Variants in PPP1R13B observed in about 807,000 individuals in gnomAD.
PPP1R13B encodes apoptosis-stimulating of p53 protein 1.
In PPP1R13B, 44 loss-of-function variants were observed where a neutral mutation model predicts 119.8. The observed-to-expected ratio is 0.37, with a 90% CI of 0.29 to 0.47. The LOEUF is 0.47. PPP1R13B is among the 20% of genes least tolerant of loss of function. The pLI, the probability that PPP1R13B is intolerant of heterozygous loss-of-function variation, is 0.99. For missense variants in PPP1R13B, 1,227 were observed against 1,413.5 expected, an observed-to-expected ratio of 0.87 and a Z score of 2.12; for synonymous variants, 542 against 561.5, an observed-to-expected ratio of 0.97 and a Z score of 0.49.
intron 5 of PPP1R13B, among the ~76,000 whole-genome samples, chr14:103,756,381 C>T (rs1003925603): frequency 1.1e-4 from 17 of 152,296 alleles, no homozygotes; most frequent in Admixed American, 3.9e-4. Flanking sequence ...TAAGCCACCA[C>T]GCCCGGCCAG....
chr14:103,753,406 C>G (rs76985893), intron 6 of PPP1R13B, among the ~76,000 whole-genome samples: 103 of 152,264 alleles, frequency 6.8e-4, no homozygotes, highest in African/African-American at 2.4e-3. Flanking sequence ...CATTAATTCC[C>G]GACTATTCTT....
chr14:103,847,314 G>T lies in PPP1R13B; in HGVS notation c.-7C>A. 8.0e-7 allele frequency: 1 copy of T among 1,249,710 alleles called. No homozygotes were observed. The highest frequency in any genetic ancestry group is 1.0e-6 in the Non-Finnish European group (1 of 977,210). The allele number at this position is 1,249,710 out of a possible 1,614,324, so 77.4% of individuals were successfully genotyped here. On this transcript the variant is annotated 5_prime_UTR_variant, in exon 1 of 17. Transcript: ENST00000202556. The stretch of plus-strand genomic sequence containing the variant: ...CCTCACCCACCGGCATCATCGCGGG[G>T]AGAGTCCGCGACGCCCTCGGCCGCC...
At chr14:103,765,299 T>TA (rs940136367) in intron 4 of PPP1R13B, among the ~76,000 whole-genome samples, 1 of 152,206 alleles carries the variant, frequency 6.6e-6, no homozygotes, top group African/African-American at 2.4e-5. Flanking sequence ...TTATTTGGAA[T>TA]AAAAAATTCC....
chr14:103,739,047 C>T, intron 12 of PPP1R13B, 24 bp from the exon 13 acceptor site: 1 of 1,603,786 alleles, frequency 6.2e-7, no homozygotes, highest in South Asian at 1.1e-5. Context: ...AGCACGCTTT[C>T]CAGTTAAAGG....
In PPP1R13B at chr14:103,777,193, A is replaced by G. The variant is rs374162410; in HGVS notation, c.354+1552T>C. Among the ~76,000 whole-genome samples the G allele has an allele frequency of 3.9e-5, 6 of 152,102 alleles. No individual in the cohort carries two copies. The East Asian group carries it at 9.7e-4, about 25-fold the overall frequency. On this transcript the variant is annotated intron_variant, in intron 4 of 16. Transcript: ENST00000202556. ...TTTTTAGTAGAGATAGGGTTTCACC[A>G]TATTGGTCAGACTGGTCTCGAACTC...
At position 103,788,779 on chromosome 14, in the gene PPP1R13B, T is replaced by C. The variant is rs2085535444; in HGVS notation, c.158-3865A>G. 1.3e-5 allele frequency among the ~76,000 whole-genome samples: 2 copies of C among 152,308 alleles called. 1 individual carries two copies. The highest frequency in any genetic ancestry group is 6.8e-3 in the Middle Eastern group (2 of 294). On this transcript the variant is annotated intron_variant, in intron 2 of 16. Coordinates refer to ENST00000202556, the MANE Select transcript of PPP1R13B (RefSeq NM_015316.3). ...TAAGGGCTTCATGAGATATTGTAAC[T>C]GAAAAAAATTAGCATTTTTGAACTT... is the stretch of plus-strand genomic sequence containing the variant.
intron 1 of PPP1R13B, among the ~76,000 whole-genome samples, chr14:103,810,166 T>C (rs1429869476): frequency 6.6e-6 from 1 of 151,376 alleles, no homozygotes; most frequent in Non-Finnish European, 1.5e-5. Flanking sequence ...GCTCATGCCT[T>C]TAATCCCAGC....
chr14:103,781,347 T>C (rs1247831058), intron 3 of PPP1R13B, among the ~76,000 whole-genome samples: 1 of 152,144 alleles, frequency 6.6e-6, no homozygotes, highest in Non-Finnish European at 1.5e-5. Context: ...GGACGGACCC[T>C]GGTCTAAGGT....
chr14:103,770,621 C>A (rs1210887972), intron 4 of PPP1R13B, among the ~76,000 whole-genome samples: 1 of 152,106 alleles, frequency 6.6e-6, no homozygotes, highest in Non-Finnish European at 1.5e-5. Context: ...GGAAAATGGG[C>A]TATCAAAGTG....
intron 1 of PPP1R13B, among the ~76,000 whole-genome samples, chr14:103,811,286 G>T (rs542719248): frequency 6.1e-4 from 92 of 151,972 alleles, no homozygotes; most frequent in South Asian, 2.3e-3. Flanking sequence ...TAATGAACTA[G>T]AACAGAACAA....
At chr14:103,748,238 T>C (rs1192412125) in intron 8 of PPP1R13B, among the ~76,000 whole-genome samples, 1 of 152,250 alleles carries the variant, frequency 6.6e-6, no homozygotes. Flanking sequence ...CTCTTTGTTG[T>C]TAATCTTGAG....
At chr14:103,798,190 C>T (rs944076800) in intron 1 of PPP1R13B, among the ~76,000 whole-genome samples, 6 of 132,176 alleles carry the variant, frequency 4.5e-5, no homozygotes, top group South Asian at 4.6e-4. Flanking sequence ...CTTGCTCTGT[C>T]GCCCAGGCTG....
Position 103,753,135 on chromosome 14 carries a change from T to G in PPP1R13B, c.693A>C (p.Ala231=). ...FQEKKQEVQT[A]ILRVDQLSQQ... ...GACTAAGCTGATCAACCCTTAAAAT[T>G]GCAGTCTGTACTTCCTGCTTCTTTT... Residue 231 remains alanine, a synonymous_variant, in exon 7 of 17, where the codon GCA becomes GCC. Coordinates refer to ENST00000202556, the MANE Select transcript of PPP1R13B (RefSeq NM_015316.3). The G allele has an allele frequency of 6.2e-7, 1 of 1,613,750 alleles. No individual in the cohort carries two copies. The highest frequency in any genetic ancestry group is 1.1e-5 in the South Asian group (1 of 91,058).
At chr14:103,736,317 A>C in intron 15 of PPP1R13B, 115 bp from the exon 16 acceptor site, 1 of 1,121,734 alleles carries the variant, frequency 8.9e-7, no homozygotes. Context: ...AGCAGGCCCC[A>C]CAGAGGCCAG....
intron 6 of PPP1R13B, among the ~76,000 whole-genome samples, chr14:103,753,494 C>G (rs1001377817): frequency 6.6e-5 from 10 of 152,144 alleles, no homozygotes; most frequent in Admixed American, 2.0e-4. Flanking sequence ...GAAGGCAGGG[C>G]CATCCAAGCC....
At chr14:103,743,634 C>T (rs1004299604) in intron 9 of PPP1R13B, among the ~76,000 whole-genome samples, 3 of 152,226 alleles carry the variant, frequency 2.0e-5, no homozygotes, top group Non-Finnish European at 4.4e-5. Context: ...ATGGGACAGA[C>T]AGAAATCAGA....
At position 103,753,104 on chromosome 14, in the gene PPP1R13B, A is replaced by G. The variant is rs1021533030; in HGVS notation, c.724T>C (p.Leu242=). The G allele has an allele frequency of 1.9e-6, 3 of 1,614,018 alleles. No homozygotes were observed. The highest frequency in any genetic ancestry group is 2.7e-5 in the African/African-American group (2 of 75,046). ...ILRVDQLSQQ[L]EDLKKGKLNG... The stretch of plus-strand genomic sequence containing the variant: ...AGTTTTCCTTTCTTTAAATCTTCCA[A>G]TTGCTGACTAAGCTGATCAACCCTT... Residue 242 remains leucine, a synonymous_variant, in exon 7 of 17, where the codon TTG becomes CTG. Transcript: ENST00000202556.
intron 1 of PPP1R13B, among the ~76,000 whole-genome samples, chr14:103,799,004 T>TGTTA (rs1401613696): frequency 6.6e-6 from 1 of 150,844 alleles, no homozygotes; most frequent in African/African-American, 2.4e-5. Flanking sequence ...TTTGTTTGTT[T>TGTTA]GTTTGTTTTT....
At chr14:103,751,170 C>A (rs2084535830) in intron 7 of PPP1R13B, among the ~76,000 whole-genome samples, 1 of 152,116 alleles carries the variant, frequency 6.6e-6, no homozygotes, top group Admixed American at 6.6e-5. Context: ...ACAACAACAA[C>A]AAAAACAAAC....
Sources: allele counts gnomAD v4.1 joint callset (sites outside exome capture counted in the v4.1 genomes callset), GRCh38; gene constraint gnomAD v4.1.1; transcripts MANE v1.5; gene names NCBI Gene and HGNC (gene_info 2026-07-23, HGNC 2026-07-21).